Variants in ROBO2 observed in about 807,000 individuals in gnomAD.
ROBO2 encodes roundabout guidance receptor 2.
ROBO2 carries 53 observed loss-of-function variants against 160.8 expected under a neutral mutation model. The ratio of observed to expected loss-of-function variants is 0.33; its 90% confidence interval spans 0.26 to 0.41. The LOEUF is 0.41. Ranked by LOEUF, ROBO2 falls within the 10% of genes least tolerant of loss-of-function variation. The probability of loss-of-function intolerance (pLI) is 1.00; values close to 1 mark genes in which losing one functional copy is unlikely to be tolerated. For missense variants in ROBO2, 1,577 were observed against 1,722.4 expected, an observed-to-expected ratio of 0.92 and a Z score of 1.49; for synonymous variants, 664 against 611.7, an observed-to-expected ratio of 1.09 and a Z score of -1.26.
intron 2 of ROBO2, among the ~76,000 whole-genome samples, chr3:76,535,904 A>T (rs2082471742): frequency 6.6e-6 from 1 of 152,148 alleles, no homozygotes; most frequent in African/African-American, 2.4e-5. Context: ...GTGATTGGGC[A>T]GTGTCTTCAG....
intron 2 of ROBO2, among the ~76,000 whole-genome samples, chr3:76,110,616 A>G (rs978943957): frequency 1.3e-5 from 2 of 152,114 alleles, no homozygotes; most frequent in African/African-American, 2.4e-5. Context: ...TTTAAGTCCT[A>G]TGGAATCTTG....
chr3:76,636,214 A>T (rs901998616), intron 2 of ROBO2, among the ~76,000 whole-genome samples: 1 of 152,192 alleles, frequency 6.6e-6, no homozygotes, highest in Non-Finnish European at 1.5e-5. Flanking sequence ...ACATTGAGAC[A>T]AGAAAAATTG....
In ROBO2 at chr3:76,067,496, G is replaced by A. The variant is rs537560632; in HGVS notation, c.109+129894G>A. On this transcript the variant is annotated intron_variant, in intron 2 of 26. Transcript: ENST00000487694. Reference sequence around the variant, plus strand: ...TAGAATATACCAGAGCCTTGGAATTGTTTAAAAAAAAAACTATTGTTTACC... The same window carrying A: ...TAGAATATACCAGAGCCTTGGAATTATTTAAAAAAAAAACTATTGTTTACC... Among the ~76,000 whole-genome samples the A allele has an allele frequency of 9.2e-3, 812 of 88,290 alleles. 11 individuals carry two copies. The highest frequency in any genetic ancestry group is 0.042 in the African/African-American group (786 of 18,916). The allele number at this position is 88,290 out of a possible 152,430, so 57.9% of individuals were successfully genotyped here. A position where few individuals can be genotyped will look rare whatever the true frequency, so the allele number is the denominator to read the frequency against.
intron 2 of ROBO2, among the ~76,000 whole-genome samples, chr3:76,407,210 C>G (rs1014076561): frequency 2.0e-5 from 3 of 151,820 alleles, no homozygotes; most frequent in Non-Finnish European, 2.9e-5. Context: ...TTACATTTTA[C>G]GTAGAGAGAC....
chr3:76,935,348 A>G (rs904567092), intron 2 of ROBO2, among the ~76,000 whole-genome samples: 1 of 152,222 alleles, frequency 6.6e-6, no homozygotes, highest in African/African-American at 2.4e-5. Flanking sequence ...ATTACTTAAG[A>G]TTACGATGAT....
At chr3:76,365,578 G>A (rs569039035) in intron 2 of ROBO2, among the ~76,000 whole-genome samples, 3 of 152,176 alleles carry the variant, frequency 2.0e-5, no homozygotes, top group Admixed American at 6.6e-5. Context: ...TAAAAGTGAT[G>A]CTAATGGAAG....
intron 2 of ROBO2, among the ~76,000 whole-genome samples, chr3:77,287,107 A>G (rs1295294133): frequency 6.6e-6 from 1 of 152,310 alleles, no homozygotes; most frequent in Non-Finnish European, 1.5e-5. Flanking sequence ...CCATTGTTTT[A>G]TGGAATTGAT....
intron 2 of ROBO2, among the ~76,000 whole-genome samples, chr3:77,392,805 T>C (rs1408302404): frequency 6.6e-6 from 1 of 152,188 alleles, no homozygotes; most frequent in Non-Finnish European, 1.5e-5. Context: ...AGAAGCTATT[T>C]CTTTGTCTTT....
intron 2 of ROBO2, among the ~76,000 whole-genome samples, chr3:76,514,016 T>C (rs536558652): frequency 1.4e-4 from 21 of 152,344 alleles, no homozygotes; most frequent in African/African-American, 4.6e-4. Flanking sequence ...TGATTAGAAT[T>C]GATGTACTTT....
chr3:76,597,785 A>G (rs1196664628), intron 2 of ROBO2, among the ~76,000 whole-genome samples: 1 of 152,062 alleles, frequency 6.6e-6, no homozygotes, highest in Non-Finnish European at 1.5e-5. Context: ...ATAAGTGAGA[A>G]CATATGGTAT....
At chr3:77,590,612 A>T (rs553003291) in intron 17 of ROBO2, among the ~76,000 whole-genome samples, 1 of 152,238 alleles carries the variant, frequency 6.6e-6, no homozygotes, top group African/African-American at 2.4e-5. Context: ...TGATGTTAGC[A>T]ATGATAATAA....
intron 2 of ROBO2, among the ~76,000 whole-genome samples, chr3:76,459,009 T>C (rs2077938288): frequency 6.6e-6 from 1 of 152,334 alleles, no homozygotes; most frequent in Middle Eastern, 3.4e-3. Flanking sequence ...ATACATCATC[T>C]GTGAGATAAA....
In ROBO2 at chr3:76,834,062, T is replaced by TTTTCTTTCTTTA. The variant is rs2067369815; in HGVS notation, c.110-263941_110-263940insATTTCTTTCTTT. On this transcript the variant is annotated intron_variant, in intron 2 of 26. Coordinates refer to the ROBO2 transcript ENST00000487694. ...TTCCTTTCTTTCTCTCCTTTCTTTC[T>TTTTCTTTCTTTA]TTTCTTTCTTTCTTTCTTTCTTTCT... Among the ~76,000 whole-genome samples the TTTTCTTTCTTTA allele has an allele frequency of 3.4e-5, 3 of 88,012 alleles. No individual in the cohort carries two copies. The Admixed American group carries it at 4.0e-4, about 12-fold the overall frequency. 57.7% of individuals were successfully genotyped at this position (88,012 alleles called of 152,430 possible). A position where few individuals can be genotyped will look rare whatever the true frequency, so the allele number is the denominator to read the frequency against.
intron 24 of ROBO2, among the ~76,000 whole-genome samples, chr3:77,637,836 C>T (rs564945201): frequency 1.5e-4 from 23 of 152,172 alleles, no homozygotes; most frequent in African/African-American, 4.8e-4. Flanking sequence ...ACTTTTATTG[C>T]AAGCTTTTTT....
chr3:76,536,422 T>C (rs2082504794), intron 2 of ROBO2, among the ~76,000 whole-genome samples: 2 of 152,198 alleles, frequency 1.3e-5, no homozygotes, highest in African/African-American at 4.8e-5. Flanking sequence ...CTTCAGGGTT[T>C]AGGGCTGAAA....
chr3:76,092,857 C>T (rs1276450983), intron 2 of ROBO2, among the ~76,000 whole-genome samples: 1 of 152,108 alleles, frequency 6.6e-6, no homozygotes, highest in Non-Finnish European at 1.5e-5. Flanking sequence ...CTCAGTCAAC[C>T]TTGACAAAAG....
At chr3:77,128,483 A>C (rs1404946182) in intron 2 of ROBO2, among the ~76,000 whole-genome samples, 1 of 152,204 alleles carries the variant, frequency 6.6e-6, no homozygotes, top group Non-Finnish European at 1.5e-5. Flanking sequence ...ACAAAAATAA[A>C]ACTACTCAAC....
At chr3:76,522,653 C>T (rs942735632) in intron 2 of ROBO2, among the ~76,000 whole-genome samples, 10 of 152,100 alleles carry the variant, frequency 6.6e-5, no homozygotes, top group Non-Finnish European at 1.0e-4. Flanking sequence ...CCTGGAATAT[C>T]GAACTAAGAT....
intron 2 of ROBO2, among the ~76,000 whole-genome samples, chr3:77,238,108 G>T (rs1253471788): frequency 1.3e-5 from 2 of 151,890 alleles, no homozygotes; most frequent in Non-Finnish European, 2.9e-5. Flanking sequence ...GAGATTTTAG[G>T]GTTCTTTATA....
Sources: allele counts gnomAD v4.1 joint callset (sites outside exome capture counted in the v4.1 genomes callset), GRCh38; gene constraint gnomAD v4.1.1; transcripts MANE v1.5; gene names NCBI Gene and HGNC (gene_info 2026-07-23, HGNC 2026-07-21).